Variants in PPM1H observed in about 807,000 individuals in gnomAD.
PPM1H encodes protein phosphatase 1H.
PPM1H carries 27 observed loss-of-function variants against 54.9 expected under a neutral mutation model. That is an observed-to-expected ratio of 0.49 (90% confidence interval 0.36 to 0.68). The LOEUF is 0.68. Ranked by LOEUF, PPM1H falls within the 30% of genes least tolerant of loss-of-function variation. The pLI is 0.00. For missense variants in PPM1H, 596 were observed against 667.8 expected, an observed-to-expected ratio of 0.89 and a Z score of 1.19; for synonymous variants, 305 against 270.8, an observed-to-expected ratio of 1.13 and a Z score of -1.24.
intron 1 of PPM1H, among the ~76,000 whole-genome samples, chr12:62,921,658 A>C (rs1241987510): frequency 6.6e-6 from 1 of 152,176 alleles, no homozygotes; most frequent in Admixed American, 6.5e-5. Flanking sequence ...GGTGGTGCCC[A>C]CTCACAATTC....
chr12:62,880,436 C>T (rs1329198791), intron 1 of PPM1H, among the ~76,000 whole-genome samples: 2 of 152,200 alleles, frequency 1.3e-5, no homozygotes, highest in East Asian at 3.8e-4. Flanking sequence ...GGGGCTTCCC[C>T]TGCCTGCCAG....
chr12:62,897,861 C>G (rs574493020), intron 1 of PPM1H, among the ~76,000 whole-genome samples: 1 of 152,288 alleles, frequency 6.6e-6, no homozygotes, highest in Admixed American at 6.5e-5. Flanking sequence ...TACTGCCAAA[C>G]TGAAGTGATG....
intron 8 of PPM1H, among the ~76,000 whole-genome samples, chr12:62,680,869 C>T (rs750088055): frequency 1.5e-4 from 23 of 152,120 alleles, no homozygotes; most frequent in Non-Finnish European, 2.8e-4. Context: ...GCCCTCTATC[C>T]CAATAAGACT....
intron 2 of PPM1H, among the ~76,000 whole-genome samples, chr12:62,811,600 G>A (rs547312451): frequency 9.2e-5 from 14 of 152,220 alleles, no homozygotes; most frequent in African/African-American, 1.7e-4. Context: ...CCCACATGTC[G>A]TGGGAGGGAC....
chr12:62,827,992 G>C (rs180993311), intron 2 of PPM1H, among the ~76,000 whole-genome samples: 2 of 152,276 alleles, frequency 1.3e-5, no homozygotes, highest in Non-Finnish European at 2.9e-5. Flanking sequence ...CCAAAGCTCA[G>C]CATGCAGACT....
chr12:62,902,829 A>T (rs540814519), intron 1 of PPM1H, among the ~76,000 whole-genome samples: 1 of 152,212 alleles, frequency 6.6e-6, no homozygotes, highest in African/African-American at 2.4e-5. Context: ...TAGTGGAAAT[A>T]GTTGCAGTGA....
rs1359170269 is a variant in PPM1H, at chr12:62,646,521, C to G, written c.*1968G>C. ...AGGGCAGAACAGGGAGTGGACCACACTGCTGTCACATGCCCGAAGGTTTTC... is the reference window on the plus strand; with the variant it reads ...AGGGCAGAACAGGGAGTGGACCACAGTGCTGTCACATGCCCGAAGGTTTTC... On this transcript the variant is annotated 3_prime_UTR_variant, in exon 10 of 10. Transcript: ENST00000228705. 1 of 152,270 alleles carries G rather than the reference C, an allele frequency of 6.6e-6. No homozygotes were observed. Among genetic ancestry groups the G allele is most frequent in the Non-Finnish European group, 1.5e-5 (1 of 68,078 alleles). The allele number at this position is 152,270 out of a possible 1,614,324, so 9.4% of individuals were successfully genotyped here.
intron 1 of PPM1H, among the ~76,000 whole-genome samples, chr12:62,880,240 C>T (rs950553017): frequency 6.6e-6 from 1 of 152,156 alleles, no homozygotes; most frequent in Non-Finnish European, 1.5e-5. Flanking sequence ...TTGAGAGCAG[C>T]CTGCATTGTG....
At chr12:62,721,731 T>A (rs575112173) in intron 5 of PPM1H, among the ~76,000 whole-genome samples, 1 of 152,236 alleles carries the variant, frequency 6.6e-6, no homozygotes, top group Non-Finnish European at 1.5e-5. Flanking sequence ...TTTAGCAGGT[T>A]ATTTAATTTC....
Position 62,796,774 on chromosome 12 carries a change from C to A in PPM1H, c.756+5042G>T, listed in dbSNP as rs574186283. On this transcript the variant is annotated intron_variant, in intron 3 of 9. Transcript: ENST00000228705. ...GGATGCGTGCACCCGTGTGCGCGCACACACACACACAAATTATTGGGGCAA... is the reference window on the plus strand; with the variant it reads ...GGATGCGTGCACCCGTGTGCGCGCAAACACACACACAAATTATTGGGGCAA... 4.6e-5 allele frequency among the ~76,000 whole-genome samples: 7 copies of A among 152,266 alleles called. No individual in the cohort carries two copies. The East Asian group carries it at 1.4e-3, about 29-fold the overall frequency.
chr12:62,817,176 A>C (rs1331169279), intron 2 of PPM1H, among the ~76,000 whole-genome samples: 1 of 145,324 alleles, frequency 6.9e-6, no homozygotes, highest in Non-Finnish European at 1.5e-5. Context: ...AAAAAAAAAA[A>C]AACTGGCCAG....
intron 1 of PPM1H, among the ~76,000 whole-genome samples, chr12:62,864,364 G>A (rs1173376570): frequency 6.6e-6 from 1 of 152,126 alleles, no homozygotes; most frequent in East Asian, 1.9e-4. Context: ...TCAGAAATAG[G>A]CATTATATTT....
Position 62,646,099 on chromosome 12 carries a change from C to A in PPM1H, c.*2390G>T, listed in dbSNP as rs573789946. ...TATAGTCTTCCTCCCATCCCCTGAA[C>A]ACAAACTTGACTTTATCTTCTAACT... On this transcript the variant is annotated 3_prime_UTR_variant, in exon 10 of 10. Transcript: ENST00000228705. 3.3e-5 allele frequency: 5 copies of A among 152,320 alleles called. No homozygotes were observed. Among genetic ancestry groups the A allele is most frequent in the African/African-American group, 9.6e-5 (4 of 41,574 alleles). The allele number at this position is 152,320 out of a possible 1,614,324, so 9.4% of individuals were successfully genotyped here. A position where few individuals can be genotyped will look rare whatever the true frequency, so the allele number is the denominator to read the frequency against.
chr12:62,921,029 A>G (rs1042139619), intron 1 of PPM1H, among the ~76,000 whole-genome samples: 1 of 152,068 alleles, frequency 6.6e-6, no homozygotes, highest in African/African-American at 2.4e-5. Flanking sequence ...GGTTCAAGCA[A>G]TTCTCCTGCC....
At chr12:62,786,181 A>G (rs2076670181) in intron 4 of PPM1H, among the ~76,000 whole-genome samples, 1 of 152,220 alleles carries the variant, frequency 6.6e-6, no homozygotes, top group African/African-American at 2.4e-5. Flanking sequence ...ACAAAGAGCA[A>G]TGAATTGCCT....
intron 1 of PPM1H, among the ~76,000 whole-genome samples, chr12:62,900,548 A>AATAATG (rs1406456042): frequency 1.3e-5 from 2 of 148,886 alleles, no homozygotes; most frequent in African/African-American, 2.5e-5. Flanking sequence ...TAATAATAAT[A>AATAATG]ATAATAAAGA....
intron 6 of PPM1H, among the ~76,000 whole-genome samples, chr12:62,704,348 T>A (rs1399388001): frequency 6.6e-6 from 1 of 152,316 alleles, no homozygotes; most frequent in Middle Eastern, 3.4e-3. Context: ...CATCATTGTA[T>A]AGCAGGCTTT....
rs563688151 is a variant in PPM1H, at chr12:62,647,322, C to G, written c.*1167G>C. ...CAAATTCTTTTATTAAAGTGCCCCC[C>G]GAGGGGCCTTGCACAAAGATGATGG... On this transcript the variant is annotated 3_prime_UTR_variant, in exon 10 of 10. Coordinates refer to ENST00000228705, the MANE Select transcript of PPM1H (RefSeq NM_020700.2). The G allele has an allele frequency of 2.0e-5, 3 of 152,188 alleles. No homozygotes were observed. Among genetic ancestry groups the G allele is most frequent in the Admixed American group, 6.5e-5 (1 of 15,272 alleles). The allele number at this position is 152,188 out of a possible 1,614,324, so 9.4% of individuals were successfully genotyped here. A position where few individuals can be genotyped will look rare whatever the true frequency, so the allele number is the denominator to read the frequency against.
At chr12:62,795,668 G>A (rs562868189) in intron 3 of PPM1H, among the ~76,000 whole-genome samples, 58 of 151,918 alleles carry the variant, frequency 3.8e-4, no homozygotes, top group African/African-American at 1.4e-3. Context: ...TCCTGACCTC[G>A]TGATCCACCT....
Sources: allele counts gnomAD v4.1 joint callset (sites outside exome capture counted in the v4.1 genomes callset), GRCh38; gene constraint gnomAD v4.1.1; transcripts MANE v1.5; gene names NCBI Gene and HGNC (gene_info 2026-07-23, HGNC 2026-07-21).